The following PLCB4 variants were observed in gnomAD, a reference collection of about 807,000 sequenced individuals.
PLCB4 encodes the protein phospholipase C beta 4, also known as 1-phosphatidylinositol 4,5-bisphosphate phosphodiesterase beta-4.
PLCB4 carries 77 observed loss-of-function variants against 178.8 expected under a neutral mutation model. The ratio of observed to expected loss-of-function variants is 0.43; its 90% CI spans 0.36 to 0.52. The LOEUF (loss-of-function observed/expected upper bound fraction) is 0.52. Ranked by LOEUF, PLCB4 falls within the 20% of genes least tolerant of loss-of-function variation. The probability of loss-of-function intolerance (pLI) is 0.00; values close to 1 mark genes in which losing one functional copy is unlikely to be tolerated. For synonymous variants in PLCB4, 496 were observed against 490.8 expected, an observed-to-expected ratio of 1.01 and a Z score of -0.14; for missense variants, 1,024 against 1,453.4, an observed-to-expected ratio of 0.70 and a Z score of 4.80.
At chr20:9,433,979 A>G (rs1228954208) in intron 28 of PLCB4, among the ~76,000 whole-genome samples, 1 of 152,220 alleles carries the variant, frequency 6.6e-6, no homozygotes, top group African/African-American at 2.4e-5. Context: ...CTAAGAATCT[A>G]TTCTGTAAAT....
chr20:9,405,829 G>C (rs1432238772), intron 21 of PLCB4, among the ~76,000 whole-genome samples: 4 of 152,162 alleles, frequency 2.6e-5, no homozygotes, highest in Non-Finnish European at 5.9e-5. Flanking sequence ...GTTTTATTTA[G>C]TAAGTATTTA....
intron 4 of PLCB4, among the ~76,000 whole-genome samples, chr20:9,329,770 C>G (rs1305499806): frequency 6.6e-6 from 1 of 152,202 alleles, no homozygotes; most frequent in Non-Finnish European, 1.5e-5. Context: ...CAGCCGTGCC[C>G]TCTGGCTCCT....
intron 1 of PLCB4, among the ~76,000 whole-genome samples, chr20:9,095,663 T>C (rs2090880172): frequency 2.0e-5 from 3 of 152,192 alleles, no homozygotes; most frequent in African/African-American, 7.2e-5. Flanking sequence ...CAATTGTTTA[T>C]TGAAAGTAAT....
intron 4 of PLCB4, among the ~76,000 whole-genome samples, chr20:9,308,161 GT>G (rs1482552580): frequency 6.6e-6 from 1 of 152,048 alleles, no homozygotes; most frequent in Non-Finnish European, 1.5e-5. Context: ...ACCTTACAAG[GT>G]TGTTGCTATT....
chr20:9,238,566 C>A (rs1320925932), intron 3 of PLCB4, among the ~76,000 whole-genome samples: 1 of 152,170 alleles, frequency 6.6e-6, no homozygotes, highest in African/African-American at 2.4e-5. Flanking sequence ...TTCTGGGTGG[C>A]TGCTGTGTTG....
intron 2 of PLCB4, among the ~76,000 whole-genome samples, chr20:9,110,429 G>C (rs2091533631): frequency 6.6e-6 from 1 of 151,988 alleles, no homozygotes; most frequent in Non-Finnish European, 1.5e-5. Flanking sequence ...TCTTTTGTGG[G>C]GGAAATAAAA....
At chr20:9,183,268 T>C (rs2093276495) in intron 2 of PLCB4, among the ~76,000 whole-genome samples, 1 of 152,026 alleles carries the variant, frequency 6.6e-6, no homozygotes, top group Non-Finnish European at 1.5e-5. Context: ...TAACTCCAGA[T>C]TGGGTCACTA....
intron 4 of PLCB4, among the ~76,000 whole-genome samples, chr20:9,311,072 G>A (rs975435490): frequency 1.3e-5 from 2 of 152,182 alleles, no homozygotes; most frequent in African/African-American, 4.8e-5. Flanking sequence ...GAGAGAAATA[G>A]CAGTGTTTTT....
intron 2 of PLCB4, among the ~76,000 whole-genome samples, chr20:9,107,881 T>G (rs1372719393): frequency 6.6e-6 from 1 of 152,092 alleles, no homozygotes; most frequent in African/African-American, 2.4e-5. Flanking sequence ...GGGATATTGA[T>G]TTTAACGAGG....
chr20:9,363,004 C>T, intron 8 of PLCB4, 29 bp downstream of exon 8: 1 of 1,490,820 alleles, frequency 6.7e-7, no homozygotes, highest in Non-Finnish European at 9.3e-7. Flanking sequence ...ACTCGTTTTT[C>T]TTGGCAGTTA....
intron 18 of PLCB4, among the ~76,000 whole-genome samples, chr20:9,394,023 C>A (rs2148429145): frequency 6.6e-6 from 1 of 152,214 alleles, no homozygotes; most frequent in East Asian, 1.9e-4. Context: ...ATAAGTTTCC[C>A]TTTTCAGTTT....
At chr20:9,088,173 CTTTTCTTT>C (rs776436447) in intron 1 of PLCB4, among the ~76,000 whole-genome samples, 221 of 113,238 alleles carry the variant, frequency 2.0e-3, no homozygotes, top group South Asian at 0.013. Context: ...CTTTTCTTTT[CTTTTCTTT>C]TTTTTTTTTT....
intron 30 of PLCB4, among the ~76,000 whole-genome samples, chr20:9,442,591 G>T (rs982235493): frequency 1.3e-5 from 2 of 152,128 alleles, no homozygotes; most frequent in African/African-American, 4.8e-5. Context: ...GAATTTGCTA[G>T]ATCTCTGGAG....
At chr20:9,278,160 T>C (rs1421006036) in intron 3 of PLCB4, among the ~76,000 whole-genome samples, 1 of 152,010 alleles carries the variant, frequency 6.6e-6, no homozygotes, top group Non-Finnish European at 1.5e-5. Flanking sequence ...GCTGTGTGCT[T>C]ATCAATACTT....
intron 29 of PLCB4, among the ~76,000 whole-genome samples, 180 bp downstream of exon 29, chr20:9,435,828 A>T (rs2041731133): frequency 6.6e-6 from 1 of 152,234 alleles, no homozygotes; most frequent in African/African-American, 2.4e-5. Context: ...ATAAAATGTG[A>T]CTGCCATCAG....
At chr20:9,434,920 G>A (rs762883354) in intron 28 of PLCB4, among the ~76,000 whole-genome samples, 4 of 152,102 alleles carry the variant, frequency 2.6e-5, no homozygotes, top group Non-Finnish European at 4.4e-5. Context: ...AATTGTGCAC[G>A]ATTATATGAA....
At chr20:9,440,807 A>G (rs1568842110) in intron 30 of PLCB4, among the ~76,000 whole-genome samples, 1 of 152,192 alleles carries the variant, frequency 6.6e-6, no homozygotes. Flanking sequence ...TAGAGGAGAG[A>G]GACTTTTCTA....
chr20:9,310,815 G>A (rs1326123070), intron 4 of PLCB4, among the ~76,000 whole-genome samples: 1 of 152,162 alleles, frequency 6.6e-6, no homozygotes, highest in Non-Finnish European at 1.5e-5. Flanking sequence ...GTCAATAAAT[G>A]TAGTAAGTGC....
chr20:9,202,889 T>C (rs1279753868), intron 2 of PLCB4, among the ~76,000 whole-genome samples: 1 of 151,936 alleles, frequency 6.6e-6, no homozygotes, highest in Non-Finnish European at 1.5e-5. Flanking sequence ...AGCAGCTGTG[T>C]TCTGGGTCAT....
Sources: allele counts gnomAD v4.1 joint callset (sites outside exome capture counted in the v4.1 genomes callset), GRCh38; gene constraint gnomAD v4.1.1; transcripts MANE v1.5; gene names NCBI Gene and HGNC (gene_info 2026-07-23, HGNC 2026-07-21).